The following CNTNAP5 variants were observed in gnomAD, a reference collection of about 807,000 sequenced individuals.
CNTNAP5 encodes the protein contactin associated protein family member 5, also known as contactin-associated protein-like 5.
In CNTNAP5, 72 loss-of-function variants were observed where a neutral mutation model predicts 150.2. The ratio of observed to expected loss-of-function variants is 0.48; its 90% CI spans 0.40 to 0.58. CNTNAP5 has a LOEUF of 0.58. CNTNAP5 is among the 20% of genes least tolerant of loss of function. The pLI is 0.00. For missense variants in CNTNAP5, 1,636 were observed against 1,626.2 expected (o/e 1.01, Z -0.10); for synonymous variants, 672 against 619.8 (o/e 1.08, Z -1.25).
At position 124,897,417 on chromosome 2, in the gene CNTNAP5, C is replaced by T. The variant is rs1014628953; in HGVS notation, c.3437-5465C>T. Among the ~76,000 whole-genome samples, 22 of 151,308 alleles carry T rather than the reference C, an allele frequency of 1.5e-4. 1 individual carries two copies. The highest frequency in any genetic ancestry group is 5.4e-4 in the African/African-American group (22 of 40,774). ...AATGTGTTTGCTAGTCATTGTAAGT[C>T]CACTATCAAACATGGAGCTGTGTCT... On this transcript the variant is annotated intron_variant, in intron 21 of 23. Transcript: ENST00000682447.
chr2:124,044,038 A>G (rs551620351), intron 1 of CNTNAP5, among the ~76,000 whole-genome samples: 1 of 152,270 alleles, frequency 6.6e-6, no homozygotes, highest in East Asian at 1.9e-4. Flanking sequence ...TACAGTATAC[A>G]TTACATCTTT....
chr2:124,919,115 A>G lies in CNTNAP5; in HGVS notation c.*4827A>G, dbSNP rs1057071928. 6.6e-6 allele frequency among the ~76,000 whole-genome samples: 1 copy of G among 152,060 alleles called. No individual in the cohort carries two copies. Among genetic ancestry groups the G allele is most frequent in the African/African-American group, 2.4e-5 (1 of 41,410 alleles). On this transcript the variant is annotated 3_prime_UTR_variant, in exon 24 of 24. Coordinates refer to ENST00000682447, the MANE Select transcript of CNTNAP5 (RefSeq NM_001367498.1). ...CAAATTTGAACCACCTAAAGGGGAAAAAATGCAACACACACACGCACGCTC... is the reference window on the plus strand; with the variant it reads ...CAAATTTGAACCACCTAAAGGGGAAGAAATGCAACACACACACGCACGCTC...
Position 124,474,836 on chromosome 2 carries a change from A to G in CNTNAP5, c.1016A>G (p.Asn339Ser). 6.2e-7 allele frequency: 1 copy of G among 1,607,820 alleles called. No individual in the cohort carries two copies. Among genetic ancestry groups the G allele is most frequent in the Non-Finnish European group, 8.5e-7 (1 of 1,177,978 alleles). The change falls in exon 7 of 24, where the codon AAC (asparagine) becomes AGC (serine). Residue 339 changes from asparagine to serine, a missense_variant. Asn to Ser is a conservative substitution (Grantham distance 46). Transcript: ENST00000682447. Reference protein sequence around the residue: ...CIENLYYNGVNIIDLAKRRKH... With the variant: ...CIENLYYNGVSIIDLAKRRKH... Reference sequence around the variant, plus strand: ...GAAAACCTTTACTACAATGGAGTAAACATAATTGACCTGGCTAAGAGACGA... The same window carrying G: ...GAAAACCTTTACTACAATGGAGTAAGCATAATTGACCTGGCTAAGAGACGA...
intron 13 of CNTNAP5, among the ~76,000 whole-genome samples, chr2:124,648,190 A>G (rs574659528): frequency 6.6e-6 from 1 of 152,314 alleles, no homozygotes; most frequent in East Asian, 1.9e-4. Context: ...ATCATAAAGA[A>G]AACGATTCCA....
chr2:124,537,852 C>T (rs1042105626), intron 10 of CNTNAP5, among the ~76,000 whole-genome samples: 3 of 152,134 alleles, frequency 2.0e-5, no homozygotes, highest in African/African-American at 7.2e-5. Context: ...ATGAAATGGT[C>T]CTTCTCCACC....
chr2:124,077,923 G>A (rs1245742449), intron 1 of CNTNAP5, among the ~76,000 whole-genome samples: 4 of 152,148 alleles, frequency 2.6e-5, no homozygotes, highest in Non-Finnish European at 5.9e-5. Context: ...GAGGGCATAT[G>A]GACATGGTTT....
intron 3 of CNTNAP5, among the ~76,000 whole-genome samples, chr2:124,409,522 G>T (rs1219920725): frequency 2.7e-5 from 1 of 37,316 alleles, no homozygotes; most frequent in African/African-American, 1.0e-4. Flanking sequence ...GACTAACAGC[G>T]GATCTCTCGG....
intron 10 of CNTNAP5, 43 bp from the exon 11 acceptor site, chr2:124,563,174 T>C: frequency 7.6e-7 from 1 of 1,323,658 alleles, no homozygotes; most frequent in Non-Finnish European, 1.1e-6. Context: ...TTCTGCCAAA[T>C]GATTTGGTTT....
intron 13 of CNTNAP5, among the ~76,000 whole-genome samples, chr2:124,712,006 A>C (rs1440406727): frequency 6.6e-6 from 1 of 152,214 alleles, no homozygotes; most frequent in Non-Finnish European, 1.5e-5. Context: ...ATCCATTAGC[A>C]GAAGGAAGCC....
chr2:124,505,439 T>C (rs879480603), intron 8 of CNTNAP5, among the ~76,000 whole-genome samples: 1 of 152,124 alleles, frequency 6.6e-6, no homozygotes, highest in Non-Finnish European at 1.5e-5. Context: ...ATCAGTAAAT[T>C]TAAAACCATT....
chr2:124,093,299 A>T (rs946843783), intron 1 of CNTNAP5, among the ~76,000 whole-genome samples: 7 of 152,234 alleles, frequency 4.6e-5, no homozygotes, highest in African/African-American at 1.7e-4. Flanking sequence ...AACTAAGAAT[A>T]GCTACCTGAG....
intron 3 of CNTNAP5, among the ~76,000 whole-genome samples, chr2:124,402,742 T>A (rs941432133): frequency 6.6e-6 from 1 of 152,170 alleles, no homozygotes; most frequent in Non-Finnish European, 1.5e-5. Flanking sequence ...TACACACATA[T>A]GCACTTATGA....
intron 13 of CNTNAP5, among the ~76,000 whole-genome samples, chr2:124,714,772 T>C (rs1679910224): frequency 6.6e-6 from 1 of 151,910 alleles, no homozygotes; most frequent in Non-Finnish European, 1.5e-5. Flanking sequence ...AAATATATAA[T>C]CTATATTTTA....
intron 3 of CNTNAP5, among the ~76,000 whole-genome samples, chr2:124,359,467 C>T (rs970193555): frequency 6.6e-5 from 10 of 152,030 alleles, no homozygotes; most frequent in South Asian, 4.2e-4. Context: ...CCTCTACACA[C>T]GGCTTTGAAT....
chr2:124,492,395 G>A (rs1419054095), intron 7 of CNTNAP5, among the ~76,000 whole-genome samples: 2 of 152,112 alleles, frequency 1.3e-5, no homozygotes, highest in Admixed American at 6.6e-5. Context: ...TGTGCAATAA[G>A]TTTATTTCTG....
rs1317920847 is a variant in CNTNAP5, at chr2:124,419,941, TTTC to T, written c.529+2354_529+2356del. Among the ~76,000 whole-genome samples the T allele has an allele frequency of 9.2e-3, 1,201 of 130,786 alleles. 31 individuals are homozygous for T. The highest frequency in any genetic ancestry group is 0.029 in the African/African-American group (992 of 33,656). The allele number at this position is 130,786 out of a possible 152,430, so 85.8% of individuals were successfully genotyped here. ...CTTTCTTTCTTTCTTTCTTTCTTTC[TTTC>T]TTTCTTTCTTTCCTTTTCTCTCTCT... On this transcript the variant is annotated intron_variant, in intron 4 of 23. Coordinates refer to ENST00000682447, the MANE Select transcript of CNTNAP5 (RefSeq NM_001367498.1).
At chr2:124,864,321 C>T (rs1425587933) in intron 19 of CNTNAP5, among the ~76,000 whole-genome samples, 1 of 152,062 alleles carries the variant, frequency 6.6e-6, no homozygotes, top group African/African-American at 2.4e-5. Flanking sequence ...GTAGTTAGCA[C>T]AACCATTATC....
At chr2:124,468,220 A>G (rs1693426470) in intron 6 of CNTNAP5, among the ~76,000 whole-genome samples, 1 of 152,162 alleles carries the variant, frequency 6.6e-6, no homozygotes, top group East Asian at 1.9e-4. Context: ...TCACACAATC[A>G]CAAGGTGAAG....
At chr2:124,271,701 C>CATCTATCTATCT (rs3063496) in intron 3 of CNTNAP5, among the ~76,000 whole-genome samples, 37 of 114,850 alleles carry the variant, frequency 3.2e-4, no homozygotes, top group African/African-American at 1.1e-3. Flanking sequence ...ATCTATCTAT[C>CATCTATCTATCT]ATCTATCTAT....
Sources: allele counts gnomAD v4.1 joint callset (sites outside exome capture counted in the v4.1 genomes callset), GRCh38; gene constraint gnomAD v4.1.1; transcripts MANE v1.5; gene names NCBI Gene and HGNC (gene_info 2026-07-23, HGNC 2026-07-21).